CPD: variants seen among roughly 807,000 people sequenced by gnomAD.
CPD encodes metallocarboxypeptidase D.
CPD carries 69 observed loss-of-function variants against 138.3 expected under a neutral mutation model. The observed-to-expected ratio is 0.50, with a 90% CI of 0.41 to 0.61. CPD has a LOEUF of 0.61. Among genes scored for constraint, CPD ranks in the 20% least tolerant of loss-of-function variants. The pLI, the probability that CPD is intolerant of heterozygous loss-of-function variation, is 0.00. For synonymous variants in CPD, 651 were observed against 642.1 expected, an observed-to-expected ratio of 1.01 and a Z score of -0.21; for missense variants, 1,432 against 1,733.3, an observed-to-expected ratio of 0.83 and a Z score of 3.09.
At position 30,467,455 on chromosome 17, in the gene CPD, T is replaced by TGA. The variant is rs1205754062; in HGVS notation, c.*2642_*2643dup. 6.6e-6 allele frequency: 1 copy of TGA among 152,208 alleles called. No homozygotes were observed. The highest frequency in any genetic ancestry group is 1.5e-5 in the Non-Finnish European group (1 of 68,028). The allele number at this position is 152,208 out of a possible 1,614,324, so 9.4% of individuals were successfully genotyped here. ...ACCCTTCAGTTTTGATGCATTTTGC[T>TGA]GAACACTTGGGTAGTGAGTGGGATC... On this transcript the variant is annotated 3_prime_UTR_variant, in exon 21 of 21. Coordinates refer to ENST00000225719, the MANE Select transcript of CPD (RefSeq NM_001304.5).
chr17:30,393,482 A>C (rs1312872338), intron 2 of CPD, among the ~76,000 whole-genome samples: 1 of 152,252 alleles, frequency 6.6e-6, no homozygotes, highest in Admixed American at 6.5e-5. Context: ...TAAGATGAAC[A>C]GTATGTAACT....
At chr17:30,398,104 A>G (rs1448260126) in intron 2 of CPD, among the ~76,000 whole-genome samples, 3 of 151,992 alleles carry the variant, frequency 2.0e-5, no homozygotes, top group Non-Finnish European at 4.4e-5. Flanking sequence ...GTGAATACCA[A>G]CTTAAAAATT....
intron 8 of CPD, among the ~76,000 whole-genome samples, chr17:30,434,585 T>G (rs1302985600): frequency 6.6e-6 from 1 of 151,948 alleles, no homozygotes; most frequent in Non-Finnish European, 1.5e-5. Context: ...ATGGGATAAG[T>G]ACAATTTAAA....
At chr17:30,456,200 G>T in intron 15 of CPD, 56 bp from the exon 16 acceptor site, 1 of 1,401,428 alleles carries the variant, frequency 7.1e-7, no homozygotes, top group Non-Finnish European at 1.0e-6. Flanking sequence ...AGGTTAACTT[G>T]GGGGAAAAAA....
chr17:30,399,501 A>G (rs754750635), intron 2 of CPD, among the ~76,000 whole-genome samples: 2 of 152,072 alleles, frequency 1.3e-5, no homozygotes, highest in Non-Finnish European at 2.9e-5. Context: ...TGATTGTTGC[A>G]TGCACATCTA....
At position 30,462,790 on chromosome 17, in the gene CPD, T is replaced by C. The variant is rs143771465; in HGVS notation, c.3916+321T>C. ...GCGCTGAGAACCTCCAACAGAGATT[T>C]ACCCAGGTGTTTATTAACAGCAAGC... On this transcript the variant is annotated intron_variant, in intron 20 of 20. Transcript: ENST00000225719. Among the ~76,000 whole-genome samples, 411 of 152,294 alleles carry C rather than the reference T, an allele frequency of 2.7e-3. 3 individuals carry two copies. Among genetic ancestry groups the C allele is most frequent in the Non-Finnish European group, 7.8e-4 (53 of 68,028 alleles).
In CPD at chr17:30,468,444, TCTACAG is replaced by T. The variant is rs769301015; in HGVS notation, c.*3633_*3638del. The T allele has an allele frequency of 2.0e-5, 3 of 152,568 alleles. No homozygotes were observed. Among genetic ancestry groups the T allele is most frequent in the Non-Finnish European group, 2.9e-5 (2 of 67,990 alleles). 9.5% of individuals were successfully genotyped at this position (152,568 alleles called of 1,614,324 possible). On this transcript the variant is annotated 3_prime_UTR_variant, in exon 21 of 21. Coordinates refer to ENST00000225719, the MANE Select transcript of CPD (RefSeq NM_001304.5). ...AGTGATACTCCCAGTTCTAGAGCAA[TCTACAG>T]CTGTTTATGTGAGGTGCCCAACACC... is the stretch of plus-strand genomic sequence containing the variant.
At position 30,378,959 on chromosome 17, in the gene CPD, G is replaced by A. The variant is rs767143425; in HGVS notation, c.-22G>A. ...GCGCTGAGCCGCGGGAGCGGAGCCGGGGTTAGCGGCGCTGCTGGAAGATGG... is the reference window on the plus strand; with the variant it reads ...GCGCTGAGCCGCGGGAGCGGAGCCGAGGTTAGCGGCGCTGCTGGAAGATGG... On this transcript the variant is annotated 5_prime_UTR_variant, in exon 1 of 21. Transcript: ENST00000225719. 9 of 1,477,750 alleles carry A rather than the reference G, an allele frequency of 6.1e-6. No homozygotes were observed. The East Asian group carries it at 2.5e-4, about 41-fold the overall frequency. The allele number at this position is 1,477,750 out of a possible 1,614,324, so 91.5% of individuals were successfully genotyped here. A position where few individuals can be genotyped will look rare whatever the true frequency, so the allele number is the denominator to read the frequency against.
chr17:30,404,821 G>A (rs1156730123), intron 2 of CPD, among the ~76,000 whole-genome samples: 2 of 152,004 alleles, frequency 1.3e-5, no homozygotes, highest in East Asian at 3.9e-4. Context: ...AGTTGAATCT[G>A]TTAGGTAGTT....
At chr17:30,411,804 A>G (rs544543602) in intron 2 of CPD, among the ~76,000 whole-genome samples, 1 of 152,256 alleles carries the variant, frequency 6.6e-6, no homozygotes, top group African/African-American at 2.4e-5. Flanking sequence ...GGGTTAGAAC[A>G]TGTTTCTTTA....
At chr17:30,405,037 T>C (rs933993169) in intron 2 of CPD, among the ~76,000 whole-genome samples, 1 of 152,164 alleles carries the variant, frequency 6.6e-6, no homozygotes, top group Non-Finnish European at 1.5e-5. Flanking sequence ...AACCAAAAAG[T>C]ATCTGTCTCT....
At chr17:30,409,405 A>G (rs1234097978) in intron 2 of CPD, among the ~76,000 whole-genome samples, 1 of 152,052 alleles carries the variant, frequency 6.6e-6, no homozygotes, top group Admixed American at 6.5e-5. Flanking sequence ...CTCCTTTTCT[A>G]CTGATTGGAA....
chr17:30,404,618 A>G (rs1279618125), intron 2 of CPD, among the ~76,000 whole-genome samples: 1 of 152,152 alleles, frequency 6.6e-6, no homozygotes, highest in Non-Finnish European at 1.5e-5. Context: ...TAGAAAAGGA[A>G]TTTCTGGTTG....
At chr17:30,450,223 A>G (rs1001151072) in intron 13 of CPD, 4 of 148,226 alleles carry the variant, frequency 2.7e-5, no homozygotes, top group African/African-American at 1.1e-4. Flanking sequence ...TGCCCGGCTA[A>G]TTTTTTTATA....
At chr17:30,401,402 C>T (rs999330276) in intron 2 of CPD, among the ~76,000 whole-genome samples, 2 of 148,760 alleles carry the variant, frequency 1.3e-5, no homozygotes, top group Non-Finnish European at 1.5e-5. Flanking sequence ...CTTCTTCCTC[C>T]TCCTCTTCTT....
At position 30,379,315 on chromosome 17, in the gene CPD, C is replaced by A; in HGVS notation, c.335C>A (p.Ala112Glu). The change falls in exon 1 of 21, where the codon GCG becomes GAG. Residue 112 changes from alanine (A) to glutamate (E), a missense_variant. By Grantham distance (107) the Ala-to-Glu change is moderately radical. Around this residue, in one of 6 missense-constraint regions of CPD, gnomAD observed 484 missense variants for 477.2 expected, o/e 1.01. Coordinates refer to ENST00000225719, the MANE Select transcript of CPD (RefSeq NM_001304.5). The surrounding 1 kb of genome is among the most constrained non-coding windows in gnomAD (Gnocchi z 7.0). ...GGGTCGCTAATCCCTGAGGGCGACG[C>A]GGGGCCTGACGCTGCCGGGCCCGAC... is the stretch of plus-strand genomic sequence containing the variant. ...GLGSLIPEGD[A>E]GPDAAGPDAA... is the part of the protein sequence containing the mutation. 1 of 1,493,084 alleles carries A rather than the reference C, an allele frequency of 6.7e-7. No homozygotes were observed. Among genetic ancestry groups the A allele is most frequent in the South Asian group, 1.3e-5 (1 of 79,428 alleles). The allele number at this position is 1,493,084 out of a possible 1,614,324, so 92.5% of individuals were successfully genotyped here. A position where few individuals can be genotyped will look rare whatever the true frequency, so the allele number is the denominator to read the frequency against.
At chr17:30,455,276 T>C (rs1913264207) in intron 14 of CPD, 63 bp from the exon 15 acceptor site, 1 of 1,333,972 alleles carries the variant, frequency 7.5e-7, no homozygotes, top group Non-Finnish European at 1.0e-6. Flanking sequence ...GAGAATATTT[T>C]CTTAGATACT....
intron 7 of CPD, among the ~76,000 whole-genome samples, chr17:30,431,135 C>T (rs1015294595): frequency 6.6e-6 from 1 of 152,148 alleles, no homozygotes; most frequent in South Asian, 2.1e-4. Flanking sequence ...TTATTATTTT[C>T]TATTTTTATT....
chr17:30,423,698 G>A lies in CPD; in HGVS notation c.1849+1G>A. 6.5e-7 allele frequency: 1 copy of A among 1,542,572 alleles called. No homozygotes were observed. The highest frequency in any genetic ancestry group is 1.4e-5 in the African/African-American group (1 of 71,926). On this transcript the variant is annotated splice_donor_variant, in intron 6 of 20. Coordinates refer to ENST00000225719, the MANE Select transcript of CPD (RefSeq NM_001304.5). LOFTEE classifies it high-confidence loss of function. ...GATGGGTATGAAAAGTCCCAGGAAG[G>A]TAAAGAATAGCATTTAATTCTTAAT...
Sources: allele counts gnomAD v4.1 joint callset (sites outside exome capture counted in the v4.1 genomes callset), GRCh38; gene constraint gnomAD v4.1.1; regional missense constraint gnomAD v4.1.1; non-coding constraint Gnocchi (gnomAD v3.1); transcripts MANE v1.5; gene names NCBI Gene and HGNC (gene_info 2026-07-23, HGNC 2026-07-21).